Variants in POLD1 observed in about 807,000 individuals in gnomAD.
The protein encoded by POLD1 is DNA polymerase delta catalytic subunit.
POLD1 carries 79 observed loss-of-function variants against 129.7 expected under a neutral mutation model. The ratio of observed to expected loss-of-function variants is 0.61; its 90% CI spans 0.51 to 0.73. POLD1 has a LOEUF of 0.73. POLD1 is among the 30% of genes least tolerant of loss of function. The probability of loss-of-function intolerance (pLI) is 0.00; values close to 1 mark genes in which losing one functional copy is unlikely to be tolerated. For missense variants in POLD1, 1,338 were observed against 1,595.8 expected, an observed-to-expected ratio of 0.84 and a Z score of 2.75; for synonymous variants, 714 against 683.3, an observed-to-expected ratio of 1.04 and a Z score of -0.70.
intron 1 of POLD1, among the ~76,000 whole-genome samples, chr19:50,389,454 C>T (rs949799658): frequency 3.2e-4 from 49 of 152,058 alleles, no homozygotes; most frequent in African/African-American, 1.2e-3. Context: ...CAGGGATGTC[C>T]GCCTGCAGAA....
At position 50,402,327 on chromosome 19, in the gene POLD1, A is replaced by G. The variant is rs767544834; in HGVS notation, c.712A>G (p.Thr238Ala). 1 of 1,610,988 alleles carries G rather than the reference A, an allele frequency of 6.2e-7. No homozygotes were observed. Among genetic ancestry groups the G allele is most frequent in the South Asian group, 1.1e-5 (1 of 90,850 alleles). Reference sequence around the variant, plus strand: ...GGGCATCCGTGTGGCAGGCCTGGGCACGCCCAGCTTCGCGCCCTACGAGGC... The same window carrying G: ...GGGCATCCGTGTGGCAGGCCTGGGCGCGCCCAGCTTCGCGCCCTACGAGGC... ...EQGIRVAGLG[T>A]PSFAPYEANV... The change falls in exon 6 of 27, where the codon ACG (threonine) becomes GCG (alanine). Residue 238 changes from threonine (T) to alanine (A), a missense_variant. Physicochemically the swap from Thr to Ala is moderately conservative, Grantham distance 58. Coordinates refer to ENST00000440232, the MANE Select transcript of POLD1 (RefSeq NM_002691.4).
chr19:50,386,182 C>G (rs994405152), intron 1 of POLD1, among the ~76,000 whole-genome samples: 2 of 152,096 alleles, frequency 1.3e-5, no homozygotes, highest in African/African-American at 2.4e-5. Context: ...CTCTGTCGCC[C>G]AGGCTGGAGT....
In POLD1 at chr19:50,395,876, C is replaced by CTTTT. The variant is rs774272686; in HGVS notation, c.-1-2953_-1-2950dup. 5.5e-3 allele frequency among the ~76,000 whole-genome samples: 408 copies of CTTTT among 73,636 alleles called. 29 individuals are homozygous for CTTTT. Among genetic ancestry groups the CTTTT allele is most frequent in the African/African-American group, 0.013 (222 of 17,728 alleles). The allele number at this position is 73,636 out of a possible 152,430, so 48.3% of individuals were successfully genotyped here. The stretch of plus-strand genomic sequence containing the variant: ...TGTCTAATCAACCAGAGGATATATA[C>CTTTT]TTTTTTTTTTTTTTTTTTTTTTTTT... On this transcript the variant is annotated intron_variant, in intron 1 of 26. Transcript: ENST00000440232.
chr19:50,408,351 A>T (rs922412721), intron 14 of POLD1, among the ~76,000 whole-genome samples: 1 of 151,836 alleles, frequency 6.6e-6, no homozygotes, highest in Non-Finnish European at 1.5e-5. Flanking sequence ...AATAAAATAA[A>T]ATAAAATAGT....
At chr19:50,403,266 G>C in intron 9 of POLD1, 47 bp downstream of exon 9, 1 of 1,496,594 alleles carries the variant, frequency 6.7e-7, no homozygotes, top group Non-Finnish European at 9.0e-7. Flanking sequence ...GTCCCCGCCA[G>C]CCTCCGCGTC....
Position 50,417,268 on chromosome 19 carries a change from A to G in POLD1, c.3217A>G (p.Ser1073Gly), listed in dbSNP as rs752376126. 1.9e-6 allele frequency: 3 copies of G among 1,588,956 alleles called. No individual in the cohort carries two copies. In the African/African-American group the frequency reaches 4.0e-5, roughly 21 times the overall value. Residue 1073 changes from serine to glycine, a missense_variant and splice_region_variant, in exon 26 of 27, where the codon AGC becomes GGC. Transcript: ENST00000440232. ...GSLHEDVICT[S>G]RDCPIFYMRK... ...CCTGCACGAGGACGTCATCTGCACC[A>G]GGTGTGTGCCATGTCCCGACCCTGG...
chr19:50,385,749 G>A (rs1224407756), intron 1 of POLD1, among the ~76,000 whole-genome samples: 3 of 151,894 alleles, frequency 2.0e-5, no homozygotes, highest in South Asian at 4.2e-4. Context: ...GGCTGGTCTC[G>A]AACTCCTGAC....
chr19:50,406,625 C>T lies in POLD1; in HGVS notation c.1494+108C>T. On this transcript the variant is annotated intron_variant, in intron 12 of 26. Coordinates refer to ENST00000440232, the MANE Select transcript of POLD1 (RefSeq NM_002691.4). The surrounding 1 kb of genome is among the most constrained non-coding windows in gnomAD (Gnocchi z 5.5). ...CCCCACGTCTGACCTCACTCTTTGA[C>T]CTGCTGTTATGACCTGTGACCTTAC... 2.4e-6 allele frequency: 2 copies of T among 820,928 alleles called. No homozygotes were observed. The highest frequency in any genetic ancestry group is 2.7e-5 in the East Asian group (1 of 37,520). 50.9% of individuals were successfully genotyped at this position (820,928 alleles called of 1,614,324 possible).
intron 1 of POLD1, among the ~76,000 whole-genome samples, chr19:50,392,368 G>A (rs1347217569): frequency 1.3e-5 from 2 of 152,142 alleles, no homozygotes; most frequent in East Asian, 3.8e-4. Flanking sequence ...AAAGTGTTGG[G>A]ATTACAGACG....
At chr19:50,384,646 G>A (rs1467835439) in intron 1 of POLD1, among the ~76,000 whole-genome samples, 1 of 152,162 alleles carries the variant, frequency 6.6e-6, no homozygotes, top group East Asian at 1.9e-4. Context: ...TGGCCCGGGA[G>A]GAGCTGGGGG....
At chr19:50,413,561 G>T (rs1309466009) in intron 18 of POLD1, 40 bp downstream of exon 18, 1 of 1,569,226 alleles carries the variant, frequency 6.4e-7, no homozygotes, top group Non-Finnish European at 8.7e-7. Flanking sequence ...TGGGCCCAGG[G>T]CAGGTGGGGG....
Position 50,406,956 on chromosome 19 carries a change from C to T in POLD1, c.1495-27C>T. ...CACCTCCCACCCCCAACCCCTGGTCCCTGACCCCATCCGTGCCCATCCCCA... is the reference window on the plus strand; with the variant it reads ...CACCTCCCACCCCCAACCCCTGGTCTCTGACCCCATCCGTGCCCATCCCCA... On this transcript the variant is annotated intron_variant, in intron 12 of 26. Transcript: ENST00000440232. This position sits in a 1 kb window ranked among gnomAD's most constrained non-coding sequence, Gnocchi z 5.5. 1 of 1,558,382 alleles carries T rather than the reference C, an allele frequency of 6.4e-7. No homozygotes were observed. Among genetic ancestry groups the T allele is most frequent in the Non-Finnish European group, 8.7e-7 (1 of 1,149,646 alleles).
intron 3 of POLD1, among the ~76,000 whole-genome samples, chr19:50,401,370 T>C (rs2038603320): frequency 1.6e-4 from 8 of 50,998 alleles, no homozygotes; most frequent in Admixed American, 1.4e-3. Context: ...TATATGTGTA[T>C]ATATATATAT....
In POLD1 at chr19:50,402,135, C is replaced by G. The variant is rs764569547; in HGVS notation, c.589+11C>G. On this transcript the variant is annotated intron_variant, in intron 5 of 26. Coordinates refer to ENST00000440232, the MANE Select transcript of POLD1 (RefSeq NM_002691.4). ...TGTGCTCCCGAGAGAGTGAGTGCTCCCCCAGGATCAGCGGGTTGGAGGGTC... is the reference window on the plus strand; with the variant it reads ...TGTGCTCCCGAGAGAGTGAGTGCTCGCCCAGGATCAGCGGGTTGGAGGGTC... The G allele has an allele frequency of 6.2e-7, 1 of 1,606,134 alleles. No individual in the cohort carries two copies.
rs1370878316 is a variant in POLD1 at position 50,409,739 on chromosome 19, G to T, written c.2154+73G>T. ...TGTGTAGGAGACCAGGGCTCCATGT[G>T]GGGGACCTGTATCCAGAGGACTGGG... On this transcript the variant is annotated intron_variant, in intron 17 of 26. Transcript: ENST00000440232. This position sits in a 1 kb window ranked among gnomAD's most constrained non-coding sequence, Gnocchi z 5.8. 6.8e-7 allele frequency: 1 copy of T among 1,475,090 alleles called. No homozygotes were observed. The highest frequency in any genetic ancestry group is 1.3e-5 in the South Asian group (1 of 76,440). 91.4% of individuals were successfully genotyped at this position (1,475,090 alleles called of 1,614,324 possible).
rs755297873 is a variant in POLD1 at position 50,417,912 on chromosome 19, C to T, written c.3289C>T (p.Arg1097Trp). ...CCTGGAAGACCAGGAGCAGCTCCTGCGGCGCTTCGGACCCCCTGGACCTGA... is the reference window on the plus strand; with the variant it reads ...CCTGGAAGACCAGGAGCAGCTCCTGTGGCGCTTCGGACCCCCTGGACCTGA... ...KDLEDQEQLL[R>W]RFGPPGPEAW Residue 1097 changes from arginine to tryptophan, a missense_variant, in exon 27 of 27, where the codon CGG (arginine) becomes TGG (tryptophan). Arg to Trp is a moderately radical substitution (Grantham distance 101). Transcript: ENST00000440232. 8.7e-6 allele frequency: 14 copies of T among 1,610,816 alleles called. No homozygotes were observed. The highest frequency in any genetic ancestry group is 2.2e-5 in the East Asian group (1 of 44,832).
intron 1 of POLD1, among the ~76,000 whole-genome samples, chr19:50,386,201 GC>G (rs1373724998): frequency 3.3e-5 from 5 of 151,802 alleles, no homozygotes; most frequent in African/African-American, 1.2e-4. Flanking sequence ...GTGCAGTGGC[GC>G]GATCTCGGCT....
intron 1 of POLD1, among the ~76,000 whole-genome samples, chr19:50,395,501 G>T (rs1033886145): frequency 1.3e-5 from 2 of 151,782 alleles, no homozygotes; most frequent in South Asian, 2.1e-4. Flanking sequence ...GGAGAATGGC[G>T]TGAACCCGGG....
intron 19 of POLD1, 105 bp downstream of exon 19, chr19:50,413,984 T>C (rs1451586278): frequency 1.6e-6 from 2 of 1,218,034 alleles, no homozygotes; most frequent in Admixed American, 5.6e-5. Context: ...GGGATGTTGC[T>C]GCTTAGATTC....
Sources: allele counts gnomAD v4.1 joint callset (sites outside exome capture counted in the v4.1 genomes callset), GRCh38; gene constraint gnomAD v4.1.1; non-coding constraint Gnocchi (gnomAD v3.1); transcripts MANE v1.5; gene names NCBI Gene and HGNC (gene_info 2026-07-23, HGNC 2026-07-21).